CLCN4: variants seen among roughly 807,000 people sequenced by gnomAD.
The protein encoded by CLCN4 is Cl-/H+ antiporter 4, also known as H(+)/Cl(-) exchange transporter 4.
CLCN4 carries 1 observed loss-of-function variant against 41.7 expected under a neutral mutation model. That is an observed-to-expected ratio of 0.02 (90% CI 0.01 to 0.11). The LOEUF is 0.11. Among genes scored for constraint, CLCN4 ranks in the 10% least tolerant of loss-of-function variants. The pLI, the probability that CLCN4 is intolerant of heterozygous loss-of-function variation, is 1.00. For synonymous variants in CLCN4, 277 were observed against 285.8 expected (o/e 0.97, Z 0.31); for missense variants, 287 against 661.0 (o/e 0.43, Z 6.20).
At chrX:10,167,073 G>A (rs923598054) in intron 2 of CLCN4, among the ~76,000 whole-genome samples, 2 of 112,626 alleles carry the variant, frequency 1.8e-5, no homozygotes, top group African/African-American at 6.5e-5. Context: ...GAAGTGGGAG[G>A]AGGAAAAAGG....
intron 12 of CLCN4, 132 bp downstream of exon 12, chrX:10,221,009 G>C: frequency 1.8e-6 from 1 of 558,541 alleles, no homozygotes; most frequent in Non-Finnish European, 3.0e-6. Flanking sequence ...AAGCTGTGGT[G>C]AATGTGTTGA....
At chrX:10,230,918 A>G (rs772411402) in intron 12 of CLCN4, among the ~76,000 whole-genome samples, 11 of 111,950 alleles carry the variant, frequency 9.8e-5, no homozygotes, top group Non-Finnish European at 1.9e-4. Context: ...TTTGACAAAT[A>G]TATAATATCA....
intron 2 of CLCN4, among the ~76,000 whole-genome samples, chrX:10,179,761 CA>C (rs1346179642): frequency 1.8e-5 from 2 of 112,372 alleles, no homozygotes; most frequent in Non-Finnish European, 3.8e-5. Flanking sequence ...AAGCGCTAAC[CA>C]CATGCCAGGC....
Position 10,212,595 on chromosome X carries a change from C to G in CLCN4, c.1518C>G (p.Pro506=). 8.3e-7 allele frequency: 1 copy of G among 1,210,930 alleles called. No individual in the cohort carries two copies. Among genetic ancestry groups the G allele is most frequent in the Non-Finnish European group, 1.1e-6 (1 of 895,073 alleles). The change falls in exon 10 of 13, where the codon CCC becomes CCG. Residue 506 remains proline, a synonymous_variant. Transcript: ENST00000380833. ...TCATCTTCAGGAACTGGTGCAGACC[C>G]GGTGCAGACTGTGTCACGCCAGGGC... ...DWIIFRNWCR[P]GADCVTPGLY...
chrX:10,229,531 C>G (rs1030613660), intron 12 of CLCN4, among the ~76,000 whole-genome samples: 2 of 109,379 alleles, frequency 1.8e-5, no homozygotes, highest in Admixed American at 9.8e-5. Flanking sequence ...TCTCCTAATG[C>G]TATCCCTCCC....
At chrX:10,204,765 A>G (rs1924335028) in intron 6 of CLCN4, among the ~76,000 whole-genome samples, 1 of 109,147 alleles carries the variant, frequency 9.2e-6, no homozygotes, top group African/African-American at 3.3e-5. Flanking sequence ...CCTAAAGTTC[A>G]ACTGTCATTT....
chrX:10,158,841 C>CG (rs1200285549), intron 2 of CLCN4, among the ~76,000 whole-genome samples: 2 of 113,413 alleles, frequency 1.8e-5, no homozygotes, highest in African/African-American at 3.2e-5. Context: ...ACCGCTCCGG[C>CG]GGGGGAACAA....
rs763578896 is a variant in CLCN4, at chrX:10,208,011, G to A, written c.844-34G>A. 96 of 1,146,269 alleles carry A rather than the reference G, an allele frequency of 8.4e-5. 1 individual carries two copies. In the South Asian group the frequency reaches 1.5e-3, roughly 18 times the overall value. 94.5% of individuals were successfully genotyped at this position (1,146,269 alleles called of 1,213,427 possible). Reference sequence around the variant, plus strand: ...CTTGGCTCTGAGCAGCTCTTTCTCCGGCCAGTCTTTAATTTTCCACTTTTT... The same window carrying A: ...CTTGGCTCTGAGCAGCTCTTTCTCCAGCCAGTCTTTAATTTTCCACTTTTT... On this transcript the variant is annotated intron_variant, in intron 8 of 12. Transcript: ENST00000380833.
intron 2 of CLCN4, among the ~76,000 whole-genome samples, chrX:10,174,653 C>G (rs1310983602): frequency 8.9e-6 from 1 of 111,737 alleles, no homozygotes; most frequent in Admixed American, 9.4e-5. Context: ...CCTAATTCCC[C>G]CCACCCTGTG....
intron 6 of CLCN4, among the ~76,000 whole-genome samples, chrX:10,205,174 C>A (rs1602155420): frequency 9.0e-6 from 1 of 111,418 alleles, no homozygotes; most frequent in East Asian, 2.8e-4. Flanking sequence ...TCATCTCCAG[C>A]TTTTAAGAAA....
chrX:10,213,292 T>C (rs1790656662), intron 10 of CLCN4, among the ~76,000 whole-genome samples: 1 of 112,277 alleles, frequency 8.9e-6, no homozygotes, highest in Non-Finnish European at 1.9e-5. Flanking sequence ...AAGGTGGGTC[T>C]GTCCCCTGTC....
In CLCN4 at chrX:10,234,295, G is replaced by A. The variant is rs1158780383; in HGVS notation, c.*711G>A. Reference sequence around the variant, plus strand: ...TCCTGGGACTGCACGATGAACTATTGGAGCATACAGTACTGCGGTGTGTCT... The same window carrying A: ...TCCTGGGACTGCACGATGAACTATTAGAGCATACAGTACTGCGGTGTGTCT... On this transcript the variant is annotated 3_prime_UTR_variant, in exon 13 of 13. Transcript: ENST00000380833. The A allele has an allele frequency of 8.9e-6, 1 of 112,184 alleles. No homozygotes were observed. The highest frequency in any genetic ancestry group is 1.9e-5 in the Non-Finnish European group (1 of 53,232). 9.2% of individuals were successfully genotyped at this position (112,184 alleles called of 1,213,427 possible). A position where few individuals can be genotyped will look rare whatever the true frequency, so the allele number is the denominator to read the frequency against.
At chrX:10,201,063 G>T (rs1369645650) in intron 6 of CLCN4, among the ~76,000 whole-genome samples, 4 of 112,154 alleles carry the variant, frequency 3.6e-5, no homozygotes, top group African/African-American at 6.5e-5. Flanking sequence ...GTGATGTTAA[G>T]TGAAAAAGCA....
intron 11 of CLCN4, among the ~76,000 whole-genome samples, chrX:10,219,166 C>T (rs1924798800): frequency 2.7e-5 from 3 of 112,080 alleles, no homozygotes; most frequent in Admixed American, 9.4e-5. Context: ...GTGGATCGAC[C>T]ATTTATTAAA....
chrX:10,171,032 T>A (rs1923374414), intron 2 of CLCN4, among the ~76,000 whole-genome samples: 1 of 111,641 alleles, frequency 9.0e-6, no homozygotes. Flanking sequence ...GGATTACAGG[T>A]GCCCACCACC....
intron 11 of CLCN4, among the ~76,000 whole-genome samples, chrX:10,216,412 G>A (rs1260608201): frequency 1.8e-5 from 2 of 111,439 alleles, no homozygotes; most frequent in African/African-American, 6.5e-5. Flanking sequence ...CTGGCAAATG[G>A]GCCTTTACCT....
intron 3 of CLCN4, among the ~76,000 whole-genome samples, chrX:10,186,229 G>A (rs1923807194): frequency 1.8e-5 from 2 of 111,305 alleles, no homozygotes; most frequent in East Asian, 5.7e-4. Flanking sequence ...AGAACTCTGT[G>A]GTTCAAGGGT....
chrX:10,212,837 G>GCACACACACACACA lies in CLCN4; in HGVS notation c.1576+186_1576+187insCACACACACACACA, dbSNP rs199932119. Among the ~76,000 whole-genome samples, 14 of 106,590 alleles carry GCACACACACACACA rather than the reference G, an allele frequency of 1.3e-4. 1 individual carries two copies. The highest frequency in any genetic ancestry group is 6.0e-4 in the East Asian group (2 of 3,350). 92.6% of individuals were successfully genotyped at this position (106,590 alleles called of 115,157 possible). A position where few individuals can be genotyped will look rare whatever the true frequency, so the allele number is the denominator to read the frequency against. ...ACCAAGGCTATGTCTCGCTCACTAT[G>GCACACACACACACA]CAGACACACACACACACACACAAAC... On this transcript the variant is annotated intron_variant, in intron 10 of 12. Transcript: ENST00000380833.
intron 6 of CLCN4, among the ~76,000 whole-genome samples, chrX:10,203,078 C>T (rs972913977): frequency 8.9e-6 from 1 of 111,968 alleles, no homozygotes. Context: ...TAGAGAATTA[C>T]AAAATACCTA....
Sources: allele counts gnomAD v4.1 joint callset (sites outside exome capture counted in the v4.1 genomes callset), GRCh38; gene constraint gnomAD v4.1.1; transcripts MANE v1.5; gene names NCBI Gene and HGNC (gene_info 2026-07-23, HGNC 2026-07-21).